AKAP13: variants seen among roughly 807,000 people sequenced by gnomAD.
AKAP13 encodes the protein A-kinase anchor protein 13.
Under a neutral mutation model 264.5 loss-of-function variants are expected in AKAP13, and 80 were observed. The ratio of observed to expected loss-of-function variants is 0.30; its 90% CI spans 0.25 to 0.36. AKAP13 has a LOEUF of 0.36. AKAP13 is among the 10% of genes least tolerant of loss of function. AKAP13 has a pLI of 1.00. For synonymous variants in AKAP13, 1,380 were observed against 1,250.2 expected, an observed-to-expected ratio of 1.10 and a Z score of -2.19; for missense variants, 3,712 against 3,435.2, an observed-to-expected ratio of 1.08 and a Z score of -2.01.
chr15:85,579,595 G>T lies in AKAP13; in HGVS notation c.1527G>T (p.Glu509Asp). 6.2e-7 allele frequency: 1 copy of T among 1,614,212 alleles called. No individual in the cohort carries two copies. The highest frequency in any genetic ancestry group is 8.5e-7 in the Non-Finnish European group (1 of 1,180,026). The change falls in exon 7 of 37, where the codon GAG becomes GAT. Residue 509 changes from glutamate to aspartate, a missense_variant. Coordinates refer to ENST00000394518, the MANE Select transcript of AKAP13 (RefSeq NM_007200.5). Reference protein sequence around the residue: ...QGGESTKERFENSNIGTAGAS... With the variant: ...QGGESTKERFDNSNIGTAGAS... ...GGGAAAGTACAAAGGAAAGATTTGA[G>T]AACTCTAATATTGGCACAGCTGGAG... is the stretch of plus-strand genomic sequence containing the variant.
chr15:85,549,251 A>G (rs949599274), intron 5 of AKAP13, among the ~76,000 whole-genome samples: 2 of 152,202 alleles, frequency 1.3e-5, no homozygotes, highest in Non-Finnish European at 2.9e-5. Flanking sequence ...TGTGATGTTG[A>G]TGCCTGTAGA....
chr15:85,615,787 CTA>C, intron 8 of AKAP13, among the ~76,000 whole-genome samples: 1 of 152,280 alleles, frequency 6.6e-6, no homozygotes, highest in Non-Finnish European at 1.5e-5. Flanking sequence ...ATCCCATGAA[CTA>C]TATGGCATGT....
chr15:85,498,395 G>C (rs1318948090), intron 2 of AKAP13, among the ~76,000 whole-genome samples: 1 of 152,076 alleles, frequency 6.6e-6, no homozygotes, highest in African/African-American at 2.4e-5. Context: ...AGCTTAGGTA[G>C]CAACTACCTT....
At chr15:85,634,293 A>G (rs1315578369) in intron 8 of AKAP13, among the ~76,000 whole-genome samples, 1 of 152,214 alleles carries the variant, frequency 6.6e-6, no homozygotes, top group Non-Finnish European at 1.5e-5. Context: ...AAAACTGTTG[A>G]TCTTTGTCAG....
intron 1 of AKAP13, chr15:85,389,984 G>C (rs763398619): frequency 5.9e-5 from 9 of 152,200 alleles, no homozygotes; most frequent in Non-Finnish European, 1.0e-4. Context: ...TGGGTAGAGT[G>C]CTGGCTCTTT....
At position 85,678,093 on chromosome 15, in the gene AKAP13, A is replaced by G. The variant is rs556913581; in HGVS notation, c.5102-4065A>G. Among the ~76,000 whole-genome samples, 334 of 152,384 alleles carry G rather than the reference A, an allele frequency of 2.2e-3. 2 individuals are homozygous for G. The highest frequency in any genetic ancestry group is 7.7e-3 in the African/African-American group (319 of 41,590). On this transcript the variant is annotated intron_variant, in intron 14 of 36. Coordinates refer to ENST00000394518, the MANE Select transcript of AKAP13 (RefSeq NM_007200.5). Reference sequence around the variant, plus strand: ...AACTTTACAAGGTATCAATTTTAGTAAACTTGGAAAAGAAAGAAATTCCCC... The same window carrying G: ...AACTTTACAAGGTATCAATTTTAGTGAACTTGGAAAAGAAAGAAATTCCCC...
At chr15:85,539,590 A>G (rs773729517) in intron 4 of AKAP13, among the ~76,000 whole-genome samples, 10 of 152,318 alleles carry the variant, frequency 6.6e-5, no homozygotes, top group African/African-American at 2.4e-4. Flanking sequence ...GAATCTGACC[A>G]TTTATAAAAG....
chr15:85,709,323 C>T (rs2151693112), intron 18 of AKAP13, among the ~76,000 whole-genome samples: 1 of 152,228 alleles, frequency 6.6e-6, no homozygotes, highest in Non-Finnish European at 1.5e-5. Context: ...GTATCTTCCC[C>T]CCACTAGAAT....
chr15:85,544,242 CT>C, intron 5 of AKAP13: 2 of 518,410 alleles, frequency 3.9e-6, no homozygotes, highest in Non-Finnish European at 7.4e-6. Flanking sequence ...CAGAATGAGC[CT>C]TGTCTGTGGA....
chr15:85,739,763 ATTTGAACCTT>A (rs2088821201), intron 33 of AKAP13, among the ~76,000 whole-genome samples: 1 of 151,954 alleles, frequency 6.6e-6, no homozygotes, highest in African/African-American at 2.4e-5. Flanking sequence ...ATTTTCAGAT[ATTTGAACCTT>A]TTTTTGTGTG....
intron 3 of AKAP13, among the ~76,000 whole-genome samples, chr15:85,526,405 A>G (rs1161292369): frequency 6.6e-6 from 1 of 151,806 alleles, no homozygotes; most frequent in Non-Finnish European, 1.5e-5. Context: ...CACCATCGTA[A>G]GTGGCACGTG....
intron 1 of AKAP13, among the ~76,000 whole-genome samples, chr15:85,442,481 A>AC (rs1491549851): frequency 1.7e-5 from 2 of 117,108 alleles, no homozygotes; most frequent in East Asian, 4.4e-4. Context: ...TATATTATAT[A>AC]ATATATATAA....
At chr15:85,637,442 T>C (rs1287181711) in intron 8 of AKAP13, among the ~76,000 whole-genome samples, 1 of 152,186 alleles carries the variant, frequency 6.6e-6, no homozygotes, top group Non-Finnish European at 1.5e-5. Context: ...GTTCGTAATA[T>C]TTCTTTATTT....
At chr15:85,453,283 G>T (rs937774394) in intron 1 of AKAP13, among the ~76,000 whole-genome samples, 1 of 152,216 alleles carries the variant, frequency 6.6e-6, no homozygotes, top group Non-Finnish European at 1.5e-5. Context: ...AGTAGCTCTG[G>T]TTGGGGGTGG....
At chr15:85,624,017 G>C (rs927820056) in intron 8 of AKAP13, among the ~76,000 whole-genome samples, 1 of 152,208 alleles carries the variant, frequency 6.6e-6, no homozygotes, top group Admixed American at 6.5e-5. Context: ...GCCAACTTTA[G>C]CTCATGGTGA....
At chr15:85,524,819 G>T (rs1423191330) in intron 3 of AKAP13, among the ~76,000 whole-genome samples, 3 of 151,602 alleles carry the variant, frequency 2.0e-5, no homozygotes, top group Admixed American at 6.6e-5. Context: ...CTACAATGAA[G>T]TGTGTGTGTG....
Position 85,723,185 on chromosome 15 carries a change from A to C in AKAP13, c.6610A>C (p.Ile2204Leu), listed in dbSNP as rs1208785934. The change falls in exon 26 of 37, where the codon ATT becomes CTT. Residue 2204 changes from isoleucine (I) to leucine (L), a missense_variant. Coordinates refer to ENST00000394518, the MANE Select transcript of AKAP13 (RefSeq NM_007200.5). ...SYEKKVRLNE[I>L]YTKTDSKSIM... ...TGAAAAGAAAGTGCGTCTCAATGAGATTTATACAAAGACAGATAGCAAGTC... is the reference window on the plus strand; with the variant it reads ...TGAAAAGAAAGTGCGTCTCAATGAGCTTTATACAAAGACAGATAGCAAGTC... The C allele has an allele frequency of 1.9e-6, 3 of 1,614,064 alleles. No homozygotes were observed. In the African/African-American group the frequency reaches 4.0e-5, roughly 22 times the overall value.
intron 5 of AKAP13, among the ~76,000 whole-genome samples, chr15:85,544,954 A>G (rs1273423426): frequency 6.6e-6 from 1 of 152,188 alleles, no homozygotes; most frequent in Non-Finnish European, 1.5e-5. Context: ...CCAAAAAGAG[A>G]CCTCAGAATG....
At chr15:85,438,483 G>A (rs1189292764) in intron 1 of AKAP13, among the ~76,000 whole-genome samples, 3 of 149,650 alleles carry the variant, frequency 2.0e-5, no homozygotes, top group South Asian at 2.1e-4. Flanking sequence ...AGTTCATATG[G>A]AACCAAAAAA....
Sources: allele counts gnomAD v4.1 joint callset (sites outside exome capture counted in the v4.1 genomes callset), GRCh38; gene constraint gnomAD v4.1.1; transcripts MANE v1.5; gene names NCBI Gene and HGNC (gene_info 2026-07-23, HGNC 2026-07-21).